Variants in RBM20 observed in about 807,000 individuals in gnomAD.
The protein encoded by RBM20 is RNA binding motif protein 20, also known as RNA-binding protein 20.
In RBM20, 51 loss-of-function variants were observed where a neutral mutation model predicts 110.1. That is an observed-to-expected ratio of 0.46 (90% CI 0.37 to 0.59). The LOEUF is 0.59. RBM20 is among the 20% of genes least tolerant of loss of function. The probability of loss-of-function intolerance (pLI) is 0.00; values close to 1 mark genes in which losing one functional copy is unlikely to be tolerated. For missense variants in RBM20, 1,512 were observed against 1,574.9 expected (o/e 0.96, Z 0.68); for synonymous variants, 589 against 618.2 (o/e 0.95, Z 0.70).
chr10:110,650,366 G>C (rs1206782405), intron 1 of RBM20, among the ~76,000 whole-genome samples: 1 of 152,222 alleles, frequency 6.6e-6, no homozygotes, highest in South Asian at 2.1e-4. Context: ...ATCTGTAGGG[G>C]AGATGGCACA....
chr10:110,784,735 A>T (rs1844399125), intron 4 of RBM20, 57 bp from the exon 5 acceptor site: 1 of 1,123,468 alleles, frequency 8.9e-7, no homozygotes, highest in East Asian at 2.6e-5. Context: ...TGTCCTAATA[A>T]TGACTTTTGA....
intron 1 of RBM20, among the ~76,000 whole-genome samples, chr10:110,727,324 G>C (rs1249456428): frequency 6.7e-6 from 1 of 149,116 alleles, no homozygotes; most frequent in Non-Finnish European, 1.5e-5. Context: ...TTTGGTGTCA[G>C]GTGTGGGCTG....
intron 11 of RBM20, among the ~76,000 whole-genome samples, chr10:110,823,186 TG>T (rs1365751276): frequency 6.7e-6 from 1 of 149,656 alleles, no homozygotes; most frequent in Non-Finnish European, 1.5e-5. Flanking sequence ...GCATGGGGGG[TG>T]GGGGGTGGAT....
At chr10:110,706,507 G>C (rs1862842188) in intron 1 of RBM20, among the ~76,000 whole-genome samples, 1 of 152,244 alleles carries the variant, frequency 6.6e-6, no homozygotes, top group South Asian at 2.1e-4. Context: ...CAACGGTTCT[G>C]TTTAAGCAGC....
At chr10:110,810,962 A>G (rs979984484) in intron 8 of RBM20, among the ~76,000 whole-genome samples, 9 of 152,222 alleles carry the variant, frequency 5.9e-5, no homozygotes, top group Non-Finnish European at 1.2e-4. Flanking sequence ...TTATTTGAAC[A>G]GTCACTTTCT....
chr10:110,747,393 T>G (rs1408941123), intron 1 of RBM20, among the ~76,000 whole-genome samples: 1 of 151,928 alleles, frequency 6.6e-6, no homozygotes, highest in East Asian at 1.9e-4. Flanking sequence ...TCAAAGCACC[T>G]GCTAGACTAG....
At chr10:110,696,931 G>C (rs945170112) in intron 1 of RBM20, among the ~76,000 whole-genome samples, 11 of 152,034 alleles carry the variant, frequency 7.2e-5, no homozygotes, top group Non-Finnish European at 1.3e-4. Flanking sequence ...GAGATTTCCA[G>C]CCTCCCAAAA....
At chr10:110,665,365 T>C (rs981194078) in intron 1 of RBM20, among the ~76,000 whole-genome samples, 1 of 151,210 alleles carries the variant, frequency 6.6e-6, no homozygotes, top group Non-Finnish European at 1.5e-5. Context: ...CTGATCGATC[T>C]TAATGTCTTG....
intron 1 of RBM20, among the ~76,000 whole-genome samples, chr10:110,682,300 C>T (rs533875769): frequency 6.6e-6 from 1 of 152,156 alleles, no homozygotes; most frequent in Non-Finnish European, 1.5e-5. Flanking sequence ...TCAGTCTTTT[C>T]TTGTTTTTCA....
At chr10:110,740,292 A>T (rs1270647872) in intron 1 of RBM20, among the ~76,000 whole-genome samples, 1 of 152,178 alleles carries the variant, frequency 6.6e-6, no homozygotes, top group East Asian at 1.9e-4. Flanking sequence ...GAGACCATCT[A>T]GTGTAGGTCA....
chr10:110,839,196 C>A lies in RBM20; in HGVS notation c.*3218C>A, dbSNP rs919644513. The A allele has an allele frequency of 4.6e-5, 7 of 152,210 alleles. No homozygotes were observed. Among genetic ancestry groups the A allele is most frequent in the African/African-American group, 1.7e-4 (7 of 41,452 alleles). 9.4% of individuals were successfully genotyped at this position (152,210 alleles called of 1,614,324 possible). ...TTGGAAAATCTGATGGTGTGAGCAG[C>A]AGCCGTTAGTATCAGGGTTTCCCAT... is the stretch of plus-strand genomic sequence containing the variant. On this transcript the variant is annotated 3_prime_UTR_variant, in exon 14 of 14. Coordinates refer to ENST00000369519, the MANE Select transcript of RBM20 (RefSeq NM_001134363.3).
intron 1 of RBM20, among the ~76,000 whole-genome samples, chr10:110,753,712 A>G (rs559560733): frequency 1.3e-5 from 2 of 152,352 alleles, no homozygotes; most frequent in South Asian, 4.1e-4. Context: ...GGAAGGCAGA[A>G]GCCCATCATC....
chr10:110,833,562 G>GC (rs1450658625), intron 13 of RBM20, among the ~76,000 whole-genome samples: 1 of 152,110 alleles, frequency 6.6e-6, no homozygotes, highest in Non-Finnish European at 1.5e-5. Context: ...GTATTGTGCA[G>GC]CCCTTCAGGG....
intron 7 of RBM20, among the ~76,000 whole-genome samples, chr10:110,807,092 G>T (rs148798074): frequency 6.6e-6 from 1 of 152,158 alleles, no homozygotes; most frequent in Admixed American, 6.5e-5. Context: ...TAGCCCCAGC[G>T]TGCAGTATTT....
chr10:110,801,285 G>A (rs1394211777), intron 7 of RBM20, among the ~76,000 whole-genome samples: 1 of 152,050 alleles, frequency 6.6e-6, no homozygotes, highest in African/African-American at 2.4e-5. Context: ...AAATTAGCCA[G>A]GCGTGGTGGC....
intron 1 of RBM20, among the ~76,000 whole-genome samples, chr10:110,732,675 C>T (rs755556332): frequency 6.6e-6 from 1 of 152,210 alleles, no homozygotes; most frequent in East Asian, 1.9e-4. Context: ...ACACGCACCC[C>T]ATCGTTGGGT....
intron 1 of RBM20, among the ~76,000 whole-genome samples, chr10:110,684,612 T>C (rs1391521898): frequency 6.6e-6 from 1 of 152,206 alleles, no homozygotes; most frequent in African/African-American, 2.4e-5. Context: ...TAAAGAAGTA[T>C]GTGCTACAAA....
chr10:110,771,662 C>A (rs1221815455), intron 1 of RBM20, among the ~76,000 whole-genome samples: 1 of 152,170 alleles, frequency 6.6e-6, no homozygotes, highest in East Asian at 1.9e-4. Flanking sequence ...TCAGTGCACA[C>A]TGGATGGGAG....
At chr10:110,714,929 A>G (rs11195279) in intron 1 of RBM20, among the ~76,000 whole-genome samples, 1,731 of 152,274 alleles carry the variant, frequency 0.011, 36 homozygotes, top group African/African-American at 0.039. Context: ...TGAAAATAAT[A>G]TCTGTAATCC....
Sources: allele counts gnomAD v4.1 joint callset (sites outside exome capture counted in the v4.1 genomes callset), GRCh38; gene constraint gnomAD v4.1.1; transcripts MANE v1.5; gene names NCBI Gene and HGNC (gene_info 2026-07-23, HGNC 2026-07-21).